CHD3: variants seen among roughly 807,000 people sequenced by gnomAD.
CHD3 encodes the protein ATP-dependent chromatin remodeler CHD3.
A neutral mutation model predicts 248.9 loss-of-function variants in CHD3; 52 were observed. The observed-to-expected ratio is 0.21, with a 90% confidence interval of 0.17 to 0.26. The LOEUF (loss-of-function observed/expected upper bound fraction) is 0.26. CHD3 is among the 10% of genes least tolerant of loss of function. The probability of loss-of-function intolerance (pLI) is 1.00; values close to 1 mark genes in which losing one functional copy is unlikely to be tolerated. For missense variants in CHD3, 1,482 were observed against 2,605.8 expected, an observed-to-expected ratio of 0.57 and a Z score of 9.39; for synonymous variants, 985 against 985.2, an observed-to-expected ratio of 1.00 and a Z score of 0.00.
intron 8 of CHD3, 96 bp from the exon 9 acceptor site, chr17:7,894,821 A>C: frequency 6.5e-7 from 1 of 1,548,040 alleles, no homozygotes; most frequent in Non-Finnish European, 8.7e-7. Flanking sequence ...TCTTCTCTGC[A>C]CTTCTAGGAT....
At position 7,904,935 on chromosome 17, in the gene CHD3, G is replaced by A. The variant is rs981154351; in HGVS notation, c.4073-165G>A. ...TGAATGGAGATGGTGTAGGATATGC[G>A]GCTCCCAAGTCAGACTTTGGGCAGT... On this transcript the variant is annotated intron_variant, in intron 25 of 39. Coordinates refer to ENST00000330494, the MANE Select transcript of CHD3 (RefSeq NM_001005273.3). This position sits in a 1 kb window ranked among gnomAD's most constrained non-coding sequence, Gnocchi z 4.4. 1.3e-5 allele frequency among the ~76,000 whole-genome samples: 2 copies of A among 152,142 alleles called. No individual in the cohort carries two copies. Among genetic ancestry groups the A allele is most frequent in the African/African-American group, 2.4e-5 (1 of 41,408 alleles).
At chr17:7,887,515 C>T (rs1968152123), upstream of CHD3, among the ~76,000 whole-genome samples, 1 of 152,080 alleles carries the variant, frequency 6.6e-6, no homozygotes. Context: ...CTGGTAGTTT[C>T]TTTGCAAAAG....
At chr17:7,885,430 GT>G (rs1399473134), upstream of CHD3, among the ~76,000 whole-genome samples, 16 of 147,100 alleles carry the variant, frequency 1.1e-4, no homozygotes, top group Admixed American at 4.0e-4. Flanking sequence ...GGAGGAGGAG[GT>G]TTTTTTTTTA....
rs1970265579 is a variant in CHD3, at chr17:7,901,241, C to T, written c.3121-3C>T. The T allele has an allele frequency of 6.3e-7, 1 of 1,596,134 alleles. No homozygotes were observed. Among genetic ancestry groups the T allele is most frequent in the Non-Finnish European group, 8.6e-7 (1 of 1,169,582 alleles). Reference sequence around the variant, plus strand: ...CTCCTCCTCCTCTCTCCTCCCTTTTCAGGAGTCCCCCAAACTCCCCAGTGG... The same window carrying T: ...CTCCTCCTCCTCTCTCCTCCCTTTTTAGGAGTCCCCCAAACTCCCCAGTGG... On this transcript the variant is annotated splice_polypyrimidine_tract_variant and splice_region_variant and intron_variant, in intron 19 of 39. Transcript: ENST00000330494.
At chr17:7,901,895 C>T (rs1970366873) in intron 20 of CHD3, among the ~76,000 whole-genome samples, 2 of 152,100 alleles carry the variant, frequency 1.3e-5, no homozygotes, top group African/African-American at 4.8e-5. Flanking sequence ...GGAGGGTGAG[C>T]CATCTGCCTC....
At chr17:7,894,748 A>T in intron 8 of CHD3, 140 bp downstream of exon 8, 1 of 1,340,270 alleles carries the variant, frequency 7.5e-7, no homozygotes, top group Middle Eastern at 1.9e-4. Flanking sequence ...ATCCTAATGT[A>T]TTCCTTTCTC....
upstream of CHD3, among the ~76,000 whole-genome samples, chr17:7,888,296 T>C (rs1968305857): frequency 6.6e-6 from 1 of 152,218 alleles, no homozygotes; most frequent in Non-Finnish European, 1.5e-5. Context: ...AGGCAGCGAC[T>C]CTGAGGCAGT....
chr17:7,904,561 C>A lies in CHD3; in HGVS notation c.4014C>A (p.Gly1338=). 6.2e-7 allele frequency: 1 copy of A among 1,614,100 alleles called. No individual in the cohort carries two copies. Among genetic ancestry groups the A allele is most frequent in the Non-Finnish European group, 8.5e-7 (1 of 1,180,024 alleles). Residue 1338 remains glycine, a synonymous_variant, in exon 25 of 40, where the codon GGC becomes GGA. Coordinates refer to ENST00000330494, the MANE Select transcript of CHD3 (RefSeq NM_001005273.3). The surrounding 1 kb of genome is among the most constrained non-coding windows in gnomAD (Gnocchi z 4.4). ...QQQEDLARNL[G]KGKRVRKQVN... is the part of the protein sequence containing the mutation. ...AGGAAGACCTAGCCCGGAATCTAGG[C>A]AAGGGCAAGCGGGTTCGCAAGCAAG...
chr17:7,910,342 C>A lies in CHD3; in HGVS notation c.5591-86C>A. On this transcript the variant is annotated intron_variant, in intron 37 of 39. Transcript: ENST00000330494. The surrounding 1 kb of genome is among the most constrained non-coding windows in gnomAD (Gnocchi z 4.7). ...TCGCTCTTTTTCTGCCTGTATCTGTCCATCTGATGCCTCTCTTTTCCTGGC... is the reference window on the plus strand; with the variant it reads ...TCGCTCTTTTTCTGCCTGTATCTGTACATCTGATGCCTCTCTTTTCCTGGC... 1 of 1,515,866 alleles carries A rather than the reference C, an allele frequency of 6.6e-7. No individual in the cohort carries two copies. The highest frequency in any genetic ancestry group is 9.2e-7 in the Non-Finnish European group (1 of 1,091,584). 93.9% of individuals were successfully genotyped at this position (1,515,866 alleles called of 1,614,324 possible).
Position 7,910,153 on chromosome 17 carries a change from G to T in CHD3, c.5591-275G>T. 1.2e-5 allele frequency: 5 copies of T among 422,784 alleles called. No homozygotes were observed. Among genetic ancestry groups the T allele is most frequent in the South Asian group, 3.3e-5 (1 of 30,286 alleles). 26.2% of individuals were successfully genotyped at this position (422,784 alleles called of 1,614,324 possible). On this transcript the variant is annotated intron_variant, in intron 37 of 39. Transcript: ENST00000330494. This position sits in a 1 kb window ranked among gnomAD's most constrained non-coding sequence, Gnocchi z 4.7. ...GTCCCCCCATCTTCCTTTCCTCCAT[G>T]CTCCCTTTTTCTTTCTTCTTTCTCT...
rs749283113 is a variant in CHD3, at chr17:7,906,897, G to A, written c.4532G>A (p.Arg1511His). Residue 1511 changes from arginine to histidine, a missense_variant, in exon 30 of 40, where the codon CGT (arginine) becomes CAT (histidine). By Grantham distance (29) the Arg-to-His change is conservative. Coordinates refer to ENST00000330494, the MANE Select transcript of CHD3 (RefSeq NM_001005273.3). The surrounding 1 kb of genome is among the most constrained non-coding windows in gnomAD (Gnocchi z 5.0). The part of the protein sequence containing the change: ...KVQEFEHING[R>H]WSMPELMPDP... The stretch of plus-strand genomic sequence containing the variant: ...CAGGAGTTTGAGCACATCAATGGGC[G>A]TTGGTCAATGCCGGAACTGATGCCT... 4.4e-5 allele frequency: 71 copies of A among 1,614,004 alleles called. No homozygotes were observed. Among genetic ancestry groups the A allele is most frequent in the South Asian group, 7.7e-5 (7 of 91,090 alleles).
chr17:7,898,432 G>T (rs1449122544), intron 12 of CHD3, 64 bp from the exon 13 acceptor site: 2 of 1,239,440 alleles, frequency 1.6e-6, no homozygotes, highest in Non-Finnish European at 2.3e-6. Context: ...TCTGGAATGG[G>T]TTCAGAAAAG....
Position 7,900,724 on chromosome 17 carries a change from A to G in CHD3, c.2971A>G (p.Met991Val), listed in dbSNP as rs1334303794. The change falls in exon 18 of 40, where the codon ATG (methionine) becomes GTG (valine). Residue 991 changes from methionine (M) to valine (V), a missense_variant. By Grantham distance (21) the Met-to-Val change is conservative. Around this residue, in one of 20 missense-constraint regions of CHD3, gnomAD observed 36 missense variants for 189.3 expected, o/e 0.19. Coordinates refer to ENST00000330494, the MANE Select transcript of CHD3 (RefSeq NM_001005273.3). This position sits in a 1 kb window ranked among gnomAD's most constrained non-coding sequence, Gnocchi z 6.5. ...CATCGTTCGGGTGGAGCTAAGCCCC[A>G]TGCAGAAGTAAGATGCAAGACGAGC... ...ELIVRVELSP[M>V]QKKYYKYILT... is the part of the protein sequence containing the mutation. 1 of 1,612,532 alleles carries G rather than the reference A, an allele frequency of 6.2e-7. No individual in the cohort carries two copies. The highest frequency in any genetic ancestry group is 1.3e-5 in the African/African-American group (1 of 74,884).
rs1208834485 is a variant in CHD3, at chr17:7,910,240, C to G, written c.5591-188C>G. 1 of 672,884 alleles carries G rather than the reference C, an allele frequency of 1.5e-6. No individual in the cohort carries two copies. Among genetic ancestry groups the G allele is most frequent in the African/African-American group, 1.8e-5 (1 of 55,232 alleles). 41.7% of individuals were successfully genotyped at this position (672,884 alleles called of 1,614,324 possible). ...CTTTTCCTGACACTTTTTCTTTTCCCCTGAGTTGCTTCTGTTTTCCATCTA... is the reference window on the plus strand; with the variant it reads ...CTTTTCCTGACACTTTTTCTTTTCCGCTGAGTTGCTTCTGTTTTCCATCTA... On this transcript the variant is annotated intron_variant, in intron 37 of 39. Coordinates refer to ENST00000330494, the MANE Select transcript of CHD3 (RefSeq NM_001005273.3). This position sits in a 1 kb window ranked among gnomAD's most constrained non-coding sequence, Gnocchi z 4.7.
chr17:7,906,083 C>A lies in CHD3; in HGVS notation c.4358+94C>A. 1.3e-6 allele frequency: 2 copies of A among 1,531,884 alleles called. No individual in the cohort carries two copies. The highest frequency in any genetic ancestry group is 1.1e-5 in the South Asian group (1 of 89,150). The allele number at this position is 1,531,884 out of a possible 1,614,324, so 94.9% of individuals were successfully genotyped here. A position where few individuals can be genotyped will look rare whatever the true frequency, so the allele number is the denominator to read the frequency against. ...GGGGCCGCCATATGATGTGACCTTA[C>A]TCAACTGATTATCACCCTCCCTGTC... On this transcript the variant is annotated intron_variant, in intron 28 of 39. Transcript: ENST00000330494. The surrounding 1 kb of genome is among the most constrained non-coding windows in gnomAD (Gnocchi z 5.0).
chr17:7,890,777 C>T (rs1302282130), intron 3 of CHD3, 36 bp downstream of exon 3: 2 of 1,583,710 alleles, frequency 1.3e-6, no homozygotes, highest in East Asian at 2.2e-5. Flanking sequence ...GAGAAATCTG[C>T]ATTAAAGACG....
chr17:7,893,593 T>G, intron 5 of CHD3, 24 bp downstream of exon 5: 2 of 1,538,082 alleles, frequency 1.3e-6, no homozygotes, highest in Non-Finnish European at 1.8e-6. Flanking sequence ...TTCCAACAAC[T>G]GTCATCTCAC....
At position 7,894,134 on chromosome 17, in the gene CHD3, A is replaced by T. The variant is rs1969317348; in HGVS notation, c.944A>T (p.Glu315Val). The change falls in exon 7 of 40, where the codon GAA becomes GTA. Residue 315 changes from glutamate to valine, a missense_variant. This residue lies in a region of CHD3 where 149 missense variants were observed against 182.6 expected (regional missense o/e 0.82). Transcript: ENST00000330494. ...GGGCAGTATGTTTTTCAGAGCGACG[A>T]AGGTCCTGAACCAGAGGCTGAGGAA... is the stretch of plus-strand genomic sequence containing the variant. ...KGGSYVFQSD[E>V]GPEPEAEESD... The T allele has an allele frequency of 1.2e-6, 2 of 1,613,722 alleles. No individual in the cohort carries two copies. Among genetic ancestry groups the T allele is most frequent in the Non-Finnish European group, 1.7e-6 (2 of 1,179,862 alleles).
rs375382219 is a variant in CHD3 at position 7,893,427 on chromosome 17, A to T, written c.651A>T (p.Ala217=). The part of the protein sequence containing the change: ...AAVAAAAAAA[A]AAVAEQVSAA... ...TGGCGGCGGCAGCGGCAGCAGCAGC[A>T]GCAGCTGTAGCTGAGCAGGTGTCAG... is the stretch of plus-strand genomic sequence containing the variant. The change falls in exon 5 of 40, where the codon GCA becomes GCT. Residue 217 remains alanine, a synonymous_variant. Coordinates refer to ENST00000330494, the MANE Select transcript of CHD3 (RefSeq NM_001005273.3). The T allele has an allele frequency of 6.2e-7, 1 of 1,611,480 alleles. No homozygotes were observed.
Sources: gnomAD v4.1 joint callset for allele counts (sites outside exome capture counted in the v4.1 genomes callset) on GRCh38, gnomAD v4.1.1 for gene constraint, gnomAD v4.1.1 regional missense constraint, Gnocchi (gnomAD v3.1) non-coding constraint, MANE v1.5 for transcripts, NCBI Gene and HGNC (gene_info 2026-07-23, HGNC 2026-07-21) for gene names.